The following MCF2L variants were observed in gnomAD, a reference collection of about 807,000 sequenced individuals.
MCF2L encodes the protein guanine nucleotide exchange factor DBS.
A neutral mutation model predicts 153.4 loss-of-function variants in MCF2L; 97 were observed. The ratio of observed to expected loss-of-function variants is 0.63; its 90% confidence interval spans 0.54 to 0.75. The LOEUF (loss-of-function observed/expected upper bound fraction) is 0.75. Among genes scored for constraint, MCF2L ranks in the 30% least tolerant of loss-of-function variants. MCF2L has a pLI of 0.00. For missense variants in MCF2L, 1,347 were observed against 1,495.2 expected, an observed-to-expected ratio of 0.90 and a Z score of 1.64; for synonymous variants, 659 against 632.2, an observed-to-expected ratio of 1.04 and a Z score of -0.64.
intron 1 of MCF2L, among the ~76,000 whole-genome samples, chr13:112,898,935 C>A (rs1281357859): frequency 6.6e-6 from 1 of 152,190 alleles, no homozygotes; most frequent in African/African-American, 2.4e-5. Flanking sequence ...CCCATCCCAC[C>A]ACCCCACCCT....
chr13:113,004,940 A>G (rs1370386005), intron 1 of MCF2L, among the ~76,000 whole-genome samples: 1 of 152,210 alleles, frequency 6.6e-6, no homozygotes, highest in Non-Finnish European at 1.5e-5. Flanking sequence ...AGTGTGGGGT[A>G]TGGAGGTTCC....
At chr13:113,016,974 G>A (rs958239698) in intron 2 of MCF2L, among the ~76,000 whole-genome samples, 37 of 152,232 alleles carry the variant, frequency 2.4e-4, no homozygotes, top group African/African-American at 8.9e-4. Context: ...TCAGCCATGG[G>A]CCCATCTGGG....
intron 3 of MCF2L, among the ~76,000 whole-genome samples, chr13:113,033,282 CTGTG>C (rs2085878663): frequency 2.2e-5 from 3 of 134,700 alleles, no homozygotes; most frequent in Admixed American, 7.4e-5. Flanking sequence ...TGAGTGGCCC[CTGTG>C]ACATTAGTGG....
chr13:112,894,845 A>G (rs535406807), intron 1 of MCF2L, among the ~76,000 whole-genome samples: 2 of 151,732 alleles, frequency 1.3e-5, no homozygotes, highest in East Asian at 3.9e-4. Flanking sequence ...TGCCAGAGCG[A>G]TGGGGGGCCA....
chr13:112,910,833 C>T (rs555730823), intron 2 of MCF2L, among the ~76,000 whole-genome samples: 1 of 152,376 alleles, frequency 6.6e-6, no homozygotes, highest in East Asian at 1.9e-4. Context: ...GGGACTGTGC[C>T]GCTGGTGACC....
intron 5 of MCF2L, 57 bp downstream of exon 5, chr13:113,060,769 G>A: frequency 6.3e-7 from 1 of 1,594,392 alleles, no homozygotes; most frequent in South Asian, 1.1e-5. Flanking sequence ...TGCCGTCCTG[G>A]CCCATCTGTG....
rs567156679 is a variant in MCF2L at position 112,923,313 on chromosome 13, G to A, written c.169+20942G>A. ...GAGTCTTGCTCTGTCACCCAGGCTGGAGTACAGTGGCAAGATCTCGGCTCA... is the reference window on the plus strand; with the variant it reads ...GAGTCTTGCTCTGTCACCCAGGCTGAAGTACAGTGGCAAGATCTCGGCTCA... On this transcript the variant is annotated intron_variant, in intron 2 of 29. Transcript: ENST00000375608. 5.6e-5 allele frequency among the ~76,000 whole-genome samples: 8 copies of A among 142,714 alleles called. No individual in the cohort carries two copies. In the South Asian group the frequency reaches 1.8e-3, roughly 33 times the overall value. The allele number at this position is 142,714 out of a possible 152,430, so 93.6% of individuals were successfully genotyped here.
intron 3 of MCF2L, among the ~76,000 whole-genome samples, chr13:113,034,583 C>A (rs1417897067): frequency 6.7e-6 from 1 of 149,884 alleles, no homozygotes; most frequent in African/African-American, 2.5e-5. Flanking sequence ...CCTTCTCCCT[C>A]GCCCTGGTCT....
At chr13:113,090,182 A>C in intron 26 of MCF2L, 1 of 1,511,734 alleles carries the variant, frequency 6.6e-7, no homozygotes, top group Non-Finnish European at 8.9e-7. Context: ...GCCTGCCCCA[A>C]ACCCACCCTC....
intron 1 of MCF2L, among the ~76,000 whole-genome samples, chr13:112,997,878 C>A (rs553764309): frequency 1.3e-5 from 2 of 152,376 alleles, no homozygotes; most frequent in Admixed American, 6.5e-5. Context: ...GTGTGGTTTC[C>A]TCTCCAGGCA....
intron 1 of MCF2L, chr13:113,008,692 G>C (rs2083872340): frequency 6.6e-6 from 1 of 152,236 alleles, no homozygotes; most frequent in African/African-American, 2.4e-5. Context: ...CGCCGAGGAA[G>C]ACAGAGCCTG....
chr13:113,024,556 T>C (rs1452967736), intron 2 of MCF2L, 88 bp from the exon 3 acceptor site: 4 of 749,968 alleles, frequency 5.3e-6, no homozygotes, highest in African/African-American at 1.7e-5. Context: ...ACTGAAATAC[T>C]GGGTGCTGAT....
Position 113,074,712 on chromosome 13 carries a change from C to A in MCF2L, c.1116+149C>A. 8.1e-7 allele frequency: 1 copy of A among 1,234,992 alleles called. No individual in the cohort carries two copies. The highest frequency in any genetic ancestry group is 1.1e-6 in the Non-Finnish European group (1 of 894,808). The allele number at this position is 1,234,992 out of a possible 1,614,324, so 76.5% of individuals were successfully genotyped here. On this transcript the variant is annotated intron_variant, in intron 10 of 29. Transcript: ENST00000535094. This position sits in a 1 kb window ranked among gnomAD's most constrained non-coding sequence, Gnocchi z 4.2. The stretch of plus-strand genomic sequence containing the variant: ...TCCATGGGGTGGGGGGTGCTGCTGC[C>A]TGTACCCCTCCCCTCCCACACCCCA...
intron 3 of MCF2L, 110 bp downstream of exon 3, chr13:113,024,868 A>G (rs1345892711): frequency 4.7e-6 from 4 of 851,692 alleles, no homozygotes; most frequent in Non-Finnish European, 7.7e-6. Flanking sequence ...TCCCTGTGAG[A>G]TTTCCCTGTC....
intron 2 of MCF2L, among the ~76,000 whole-genome samples, chr13:112,902,698 C>T: frequency 6.6e-6 from 1 of 152,226 alleles, no homozygotes; most frequent in East Asian, 1.9e-4. Context: ...AAATAAAGCA[C>T]AGTATACCTG....
At position 113,070,601 on chromosome 13, in the gene MCF2L, G is replaced by GGCCCTTCGTGGACTCACCCATGTCCC. The variant is rs1251312398; in HGVS notation, c.996+429_996+454dup. Among the ~76,000 whole-genome samples, 2 of 150,094 alleles carry GGCCCTTCGTGGACTCACCCATGTCCC rather than the reference G, an allele frequency of 1.3e-5. No individual in the cohort carries two copies. Among genetic ancestry groups the GGCCCTTCGTGGACTCACCCATGTCCC allele is most frequent in the Non-Finnish European group, 3.0e-5 (2 of 67,666 alleles). ...CCAGACCCAGACGTCTCCCTCCTGC[G>GGCCCTTCGTGGACTCACCCATGTCCC]GCCCTTCGTGGACTCACCCATGTCC... On this transcript the variant is annotated intron_variant, in intron 9 of 29. Transcript: ENST00000535094. The surrounding 1 kb of genome is among the most constrained non-coding windows in gnomAD (Gnocchi z 5.6).
intron 1 of MCF2L, among the ~76,000 whole-genome samples, chr13:112,972,088 G>T (rs1347088196): frequency 6.6e-6 from 1 of 152,214 alleles, no homozygotes; most frequent in Non-Finnish European, 1.5e-5. Flanking sequence ...AGTTCTTCAG[G>T]AATCAAACTT....
At chr13:113,088,725 T>C in intron 25 of MCF2L, 97 bp downstream of exon 25, 1 of 1,283,266 alleles carries the variant, frequency 7.8e-7, no homozygotes, top group Admixed American at 2.0e-5. Flanking sequence ...AGTGGGACCC[T>C]GTGGTTATTG....
intron 2 of MCF2L, among the ~76,000 whole-genome samples, chr13:113,022,188 G>A (rs1293349257): frequency 6.6e-6 from 1 of 151,782 alleles, no homozygotes; most frequent in African/African-American, 2.4e-5. Context: ...AGTGCTGAGA[G>A]GGAGCCACTC....
Sources: gnomAD v4.1 joint callset for allele counts (sites outside exome capture counted in the v4.1 genomes callset) on GRCh38, gnomAD v4.1.1 for gene constraint, Gnocchi (gnomAD v3.1) non-coding constraint, MANE v1.5 for transcripts, NCBI Gene and HGNC (gene_info 2026-07-23, HGNC 2026-07-21) for gene names.